Variants in RAVER1 observed in about 807,000 individuals in gnomAD.
RAVER1 encodes the protein ribonucleoprotein PTB-binding 1.
RAVER1 carries 36 observed loss-of-function variants against 68.4 expected under a neutral mutation model. That is an observed-to-expected ratio of 0.53 (90% CI 0.40 to 0.70). The LOEUF (loss-of-function observed/expected upper bound fraction) is 0.70, where lower values mean the gene tolerates loss of function less well. RAVER1 is among the 30% of genes least tolerant of loss of function. The pLI is 0.00. For synonymous variants in RAVER1, 469 were observed against 472.7 expected (o/e 0.99, Z 0.10); for missense variants, 933 against 1,019.8 (o/e 0.91, Z 1.16).
At position 10,323,192 on chromosome 19, in the gene RAVER1, T is replaced by C; in HGVS notation, c.1031A>G (p.Gln344Arg). The C allele has an allele frequency of 6.2e-7, 1 of 1,612,612 alleles. No homozygotes were observed. The highest frequency in any genetic ancestry group is 8.5e-7 in the Non-Finnish European group (1 of 1,179,382). Residue 344 changes from glutamine (Q) to arginine (R), a missense_variant, in exon 5 of 13, where the codon CAG becomes CGG. Transcript: ENST00000617231. This position sits in a 1 kb window ranked among gnomAD's most constrained non-coding sequence, Gnocchi z 6.2. ...ATGGAGCAGGGGGTTGAGCAGCAGC[T>C]GGAGGGACGCGGATGGGCCCAGGTT... Reference protein sequence around the residue: ...LNNLGPSASLQLLLNPLLHGS... With the variant: ...LNNLGPSASLRLLLNPLLHGS...
chr19:10,330,160 T>G (rs76533433), intron 2 of RAVER1, among the ~76,000 whole-genome samples: 203 of 149,950 alleles, frequency 1.4e-3, no homozygotes, highest in Non-Finnish European at 2.4e-3. Flanking sequence ...CAGGGGTGAC[T>G]GGCTGAGTGA....
intron 7 of RAVER1, 65 bp downstream of exon 7, chr19:10,321,466 G>A: frequency 7.8e-7 from 1 of 1,281,514 alleles, no homozygotes; most frequent in Non-Finnish European, 1.0e-6. Context: ...ACTCACCCGA[G>A]GCCACGTAGC....
intron 3 of RAVER1, among the ~76,000 whole-genome samples, chr19:10,326,356 C>T (rs62130697): frequency 7.9e-5 from 12 of 152,262 alleles, no homozygotes; most frequent in Non-Finnish European, 1.8e-4. Flanking sequence ...AGGCCTGGTA[C>T]GTAGCAGGTG....
chr19:10,321,025 C>T, intron 8 of RAVER1, 23 bp downstream of exon 8: 1 of 1,458,304 alleles, frequency 6.9e-7, no homozygotes, highest in Non-Finnish European at 9.0e-7. Flanking sequence ...TGGTGTGGTG[C>T]CGCGCGCAGG....
Position 10,321,590 on chromosome 19 carries a change from A to AT in RAVER1, c.1201_1202insA (p.Leu401HisfsTer49). On this transcript the variant is annotated frameshift_variant, in exon 7 of 13. Coordinates refer to ENST00000617231, the MANE Select transcript of RAVER1 (RefSeq NM_133452.3). LOFTEE classifies it high-confidence loss of function. ...CTGGGCCCCAGGCTGGAGGGCGCCC[A>AT]GGGGTGAGTCTCCCAGGATGCCGGG... 7.1e-7 allele frequency: 1 copy of AT among 1,402,646 alleles called. No homozygotes were observed. The highest frequency in any genetic ancestry group is 9.3e-7 in the Non-Finnish European group (1 of 1,073,396). The allele number at this position is 1,402,646 out of a possible 1,614,324, so 86.9% of individuals were successfully genotyped here. A position where few individuals can be genotyped will look rare whatever the true frequency, so the allele number is the denominator to read the frequency against.
Position 10,323,220 on chromosome 19 carries a change from T to C in RAVER1, c.1003A>G (p.Asn335Asp). 1 of 1,613,418 alleles carries C rather than the reference T, an allele frequency of 6.2e-7. No individual in the cohort carries two copies. Among genetic ancestry groups the C allele is most frequent in the Non-Finnish European group, 8.5e-7 (1 of 1,179,626 alleles). The change falls in exon 5 of 13, where the codon AAC (asparagine) becomes GAC (aspartate). Residue 335 changes from asparagine to aspartate, a missense_variant. By Grantham distance (23) the Asn-to-Asp change is conservative (BLOSUM62 1). Around this residue, in one of 3 missense-constraint regions of RAVER1, gnomAD observed 699 missense variants for 731.1 expected, o/e 0.96. Transcript: ENST00000617231. This position sits in a 1 kb window ranked among gnomAD's most constrained non-coding sequence, Gnocchi z 6.2. Reference protein sequence around the residue: ...LPEPNILQLLNNLGPSASLQL... With the variant: ...LPEPNILQLLDNLGPSASLQL... The stretch of plus-strand genomic sequence containing the variant: ...AGGGACGCGGATGGGCCCAGGTTGT[T>C]GAGCAGCTGCAGGATGTTGGGCTCG...
chr19:10,325,479 T>G (rs2040468080), intron 3 of RAVER1, among the ~76,000 whole-genome samples: 1 of 152,018 alleles, frequency 6.6e-6, no homozygotes, highest in Admixed American at 6.6e-5. Flanking sequence ...TGCACCCACC[T>G]CGGCCTCCCA....
At position 10,322,085 on chromosome 19, in the gene RAVER1, T is replaced by G. The variant is rs2040441769; in HGVS notation, c.1174-467A>C. ...GTGTATATCTGTGTCTTTGTTTCTG[T>G]GTGCATGAGTCTGTCTTGTGTCTAT... On this transcript the variant is annotated intron_variant, in intron 6 of 12. Transcript: ENST00000617231. The surrounding 1 kb of genome is among the most constrained non-coding windows in gnomAD (Gnocchi z 4.3). 6.2e-6 allele frequency: 1 copy of G among 160,392 alleles called. No homozygotes were observed. Among genetic ancestry groups the G allele is most frequent in the South Asian group, 1.9e-4 (1 of 5,278 alleles). The allele number at this position is 160,392 out of a possible 1,614,324, so 9.9% of individuals were successfully genotyped here.
At chr19:10,318,790 C>T (rs1304544188) in intron 10 of RAVER1, among the ~76,000 whole-genome samples, 1 of 152,244 alleles carries the variant, frequency 6.6e-6, no homozygotes, top group African/African-American at 2.4e-5. Flanking sequence ...AGAAACTGTT[C>T]CAGCCTGTGG....
In RAVER1 at chr19:10,321,081, C is replaced by A. The variant is rs545976104; in HGVS notation, c.1440G>T (p.Gln480His). 6.7e-6 allele frequency: 9 copies of A among 1,352,824 alleles called. No individual in the cohort carries two copies. In the East Asian group the frequency reaches 1.8e-4, roughly 27 times the overall value. The allele number at this position is 1,352,824 out of a possible 1,614,324, so 83.8% of individuals were successfully genotyped here. The change falls in exon 8 of 13, where the codon CAG (glutamine) becomes CAT (histidine). Residue 480 changes from glutamine (Q) to histidine (H), a missense_variant. Physicochemically the swap from Gln to His is conservative, Grantham distance 24. Coordinates refer to ENST00000617231, the MANE Select transcript of RAVER1 (RefSeq NM_133452.3). ...GCGTCGGCAGAGGCCCACTGTCTTT[C>A]TGGAGGCCTCTGAGGCCAGAGCCTC... Reference protein sequence around the residue: ...GLRGSGLRGLQKDSGPLPTPP... With the variant: ...GLRGSGLRGLHKDSGPLPTPP...
In RAVER1 at chr19:10,321,148, G is replaced by T; in HGVS notation, c.1373C>A (p.Pro458Gln). ...GGGGGGAGGAGTGAGCTGGGCCGCT[G>T]GGGGACCCAAGCCCAGGGCCTCCCG... Reference protein sequence around the residue: ...GDREALGLGPPAAQLTPPPAP... With the variant: ...GDREALGLGPQAAQLTPPPAP... Residue 458 changes from proline to glutamine, a missense_variant, in exon 8 of 13, where the codon CCA (proline) becomes CAA (glutamine). Around this residue, in one of 3 missense-constraint regions of RAVER1, gnomAD observed 699 missense variants for 731.1 expected, o/e 0.96. Transcript: ENST00000617231. 1 of 1,287,602 alleles carries T rather than the reference G, an allele frequency of 7.8e-7. No individual in the cohort carries two copies. 79.8% of individuals were successfully genotyped at this position (1,287,602 alleles called of 1,614,324 possible). A position where few individuals can be genotyped will look rare whatever the true frequency, so the allele number is the denominator to read the frequency against.
rs2040499876 is a variant in RAVER1, at chr19:10,329,660, A to C, written c.287-549T>G. ...CCCACCCCTGCCACCTTTCCAGGCC[A>C]CCAGTGCCCCTGAACCCTGCTGCCA... On this transcript the variant is annotated intron_variant, in intron 2 of 12. Coordinates refer to ENST00000617231, the MANE Select transcript of RAVER1 (RefSeq NM_133452.3). This position sits in a 1 kb window ranked among gnomAD's most constrained non-coding sequence, Gnocchi z 4.6. 1.3e-5 allele frequency among the ~76,000 whole-genome samples: 2 copies of C among 152,100 alleles called. No individual in the cohort carries two copies. Among genetic ancestry groups the C allele is most frequent in the South Asian group, 4.1e-4 (2 of 4,834 alleles).
In RAVER1 at chr19:10,322,792, A is replaced by C. The variant is rs1599300947; in HGVS notation, c.1079-53T>G. ...GGGGTCCCTGTGTCCTCCCTGCCCC[A>C]CCTCACGAAACACAGCCCTGAACCC... On this transcript the variant is annotated intron_variant, in intron 5 of 12. Coordinates refer to ENST00000617231, the MANE Select transcript of RAVER1 (RefSeq NM_133452.3). The surrounding 1 kb of genome is among the most constrained non-coding windows in gnomAD (Gnocchi z 4.3). 1 of 1,073,516 alleles carries C rather than the reference A, an allele frequency of 9.3e-7. No individual in the cohort carries two copies. The highest frequency in any genetic ancestry group is 1.3e-6 in the Non-Finnish European group (1 of 783,580). The allele number at this position is 1,073,516 out of a possible 1,614,324, so 66.5% of individuals were successfully genotyped here. A position where few individuals can be genotyped will look rare whatever the true frequency, so the allele number is the denominator to read the frequency against.
At chr19:10,318,170 G>A in intron 11 of RAVER1, 59 bp downstream of exon 11, 2 of 1,469,576 alleles carry the variant, frequency 1.4e-6, no homozygotes, top group South Asian at 1.3e-5. Flanking sequence ...CCCGGTGGCA[G>A]GCACCCCCAA....
rs2040391378 is a variant in RAVER1 at position 10,316,713 on chromosome 19, C to A, written c.*741G>T. ...GAGATCCTGGGTAGGGTGGCCCAAT[C>A]CCTAGGCCAGAGCTGTTTGGTCCAT... On this transcript the variant is annotated 3_prime_UTR_variant, in exon 13 of 13. Coordinates refer to ENST00000617231, the MANE Select transcript of RAVER1 (RefSeq NM_133452.3). The A allele has an allele frequency of 1.1e-5, 3 of 268,610 alleles. No individual in the cohort carries two copies. Among genetic ancestry groups the A allele is most frequent in the Non-Finnish European group, 1.7e-5 (3 of 174,218 alleles). 16.6% of individuals were successfully genotyped at this position (268,610 alleles called of 1,614,324 possible).
At chr19:10,321,301 A>ACCCCTCTCCCCAGGG in intron 7 of RAVER1, 42 bp from the exon 8 acceptor site, 1 of 1,049,256 alleles carries the variant, frequency 9.5e-7, no homozygotes, top group Non-Finnish European at 1.2e-6. Flanking sequence ...GGCTCACAGG[A>ACCCCTCTCCCCAGGG]CCCCTCTCCC....
intron 7 of RAVER1, 106 bp downstream of exon 7, chr19:10,321,425 G>C: frequency 9.8e-7 from 1 of 1,015,394 alleles, no homozygotes; most frequent in Non-Finnish European, 1.3e-6. Context: ...CCAACTGATG[G>C]ACAAGGGCGC....
At chr19:10,319,511 G>A (rs372278690) in intron 9 of RAVER1, among the ~76,000 whole-genome samples, 1 of 152,194 alleles carries the variant, frequency 6.6e-6, no homozygotes, top group East Asian at 1.9e-4. Flanking sequence ...GTTAGTTCCT[G>A]TTGTTATTTG....
intron 3 of RAVER1, among the ~76,000 whole-genome samples, chr19:10,325,390 A>G (rs1363110691): frequency 6.6e-6 from 1 of 151,782 alleles, no homozygotes; most frequent in Non-Finnish European, 1.5e-5. Context: ...ACACCCAGCT[A>G]ATTTTTTTTT....
Sources: gnomAD v4.1 joint callset for allele counts (sites outside exome capture counted in the v4.1 genomes callset) on GRCh38, gnomAD v4.1.1 for gene constraint, gnomAD v4.1.1 regional missense constraint, Gnocchi (gnomAD v3.1) non-coding constraint, MANE v1.5 for transcripts, NCBI Gene and HGNC (gene_info 2026-07-23, HGNC 2026-07-21) for gene names.